HCRTR2: variants seen among roughly 807,000 people sequenced by gnomAD.
The protein encoded by HCRTR2 is orexin receptor type 2.
A neutral mutation model predicts 49.0 loss-of-function variants in HCRTR2; 22 were observed. The observed-to-expected ratio is 0.45, with a 90% CI of 0.32 to 0.64. The LOEUF is 0.64. Ranked by LOEUF, HCRTR2 falls within the 30% of genes least tolerant of loss-of-function variation. The pLI is 0.04. For missense variants in HCRTR2, 491 were observed against 559.4 expected (o/e 0.88, Z 1.23); for synonymous variants, 236 against 205.3 (o/e 1.15, Z -1.28).
intron 2 of HCRTR2, among the ~76,000 whole-genome samples, chr6:55,253,164 G>A (rs1343867723): frequency 6.6e-6 from 1 of 151,488 alleles, no homozygotes; most frequent in Admixed American, 6.6e-5. Flanking sequence ...TACTTGATAA[G>A]AATCTTATCC....
At chr6:55,158,103 T>G (rs1328383551) in intron 1 of HCRTR2, among the ~76,000 whole-genome samples, 1 of 152,100 alleles carries the variant, frequency 6.6e-6, no homozygotes, top group Admixed American at 6.5e-5. Flanking sequence ...CCAACTGAGG[T>G]ACCCAGCTCC....
At chr6:55,112,350 A>G (rs1046750657) in intron 1 of HCRTR2, among the ~76,000 whole-genome samples, 7 of 151,896 alleles carry the variant, frequency 4.6e-5, no homozygotes, top group African/African-American at 1.7e-4. Flanking sequence ...GAGGAAATCA[A>G]AATTTTGCTG....
chr6:55,149,664 C>T (rs534764687), intron 1 of HCRTR2, among the ~76,000 whole-genome samples: 9 of 151,984 alleles, frequency 5.9e-5, no homozygotes, highest in Non-Finnish European at 1.2e-4. Flanking sequence ...GAAACCAACA[C>T]CTTGACCATA....
At chr6:55,156,735 G>T (rs1379740132) in intron 1 of HCRTR2, among the ~76,000 whole-genome samples, 1 of 152,032 alleles carries the variant, frequency 6.6e-6, no homozygotes, top group African/African-American at 2.4e-5. Context: ...GGGATATAAA[G>T]TTGGCTAAAC....
At chr6:55,164,638 A>G (rs867268209) in intron 1 of HCRTR2, among the ~76,000 whole-genome samples, 10 of 152,148 alleles carry the variant, frequency 6.6e-5, no homozygotes, top group South Asian at 2.1e-4. Flanking sequence ...GTGGGGGGCT[A>G]GGGGAGGGAT....
At position 55,162,613 on chromosome 6, in the gene HCRTR2, T is replaced by A. The variant is rs550718214; in HGVS notation, c.-377-11598T>A. ...CCCATTGTCTCAGCCCAAAATCTCCTTAAGCTGATAAGCAACTTCAGCAAA... is the reference window on the plus strand; with the variant it reads ...CCCATTGTCTCAGCCCAAAATCTCCATAAGCTGATAAGCAACTTCAGCAAA... On this transcript the variant is annotated intron_variant, in intron 1 of 7. Coordinates refer to the HCRTR2 transcript ENST00000615358. Among the ~76,000 whole-genome samples the A allele has an allele frequency of 2.6e-5, 4 of 152,332 alleles. No individual in the cohort carries two copies. In the South Asian group the frequency reaches 8.3e-4, roughly 32 times the overall value.
intron 1 of HCRTR2, among the ~76,000 whole-genome samples, chr6:55,164,183 A>T: frequency 6.6e-6 from 1 of 152,220 alleles, no homozygotes; most frequent in Non-Finnish European, 1.5e-5. Flanking sequence ...GTGGGAGTGT[A>T]AATTAGTTCA....
chr6:55,130,704 T>C (rs778043010), intron 1 of HCRTR2, among the ~76,000 whole-genome samples: 13 of 151,872 alleles, frequency 8.6e-5, no homozygotes, highest in Non-Finnish European at 1.8e-4. Flanking sequence ...ATCTCCAATC[T>C]CTTCCTTGAA....
chr6:55,119,356 C>T (rs1764163904), intron 1 of HCRTR2, among the ~76,000 whole-genome samples: 1 of 152,100 alleles, frequency 6.6e-6, no homozygotes, highest in South Asian at 2.1e-4. Flanking sequence ...GGAGATGCCA[C>T]ACTGTCTTCC....
intron 1 of HCRTR2, among the ~76,000 whole-genome samples, chr6:55,192,593 A>G (rs1765338870): frequency 6.6e-6 from 1 of 152,190 alleles, no homozygotes; most frequent in Non-Finnish European, 1.5e-5. Flanking sequence ...ATTATCTTCA[A>G]CACTGTGCAT....
At chr6:55,198,940 C>T (rs1046262714) in intron 1 of HCRTR2, among the ~76,000 whole-genome samples, 3 of 152,160 alleles carry the variant, frequency 2.0e-5, no homozygotes, top group African/African-American at 7.2e-5. Context: ...GCCTGTAACA[C>T]AATAGGATCA....
chr6:55,281,513 C>T (rs557099388), intron 6 of HCRTR2, among the ~76,000 whole-genome samples: 12 of 152,128 alleles, frequency 7.9e-5, no homozygotes, highest in African/African-American at 2.7e-4. Flanking sequence ...GTGCTGGGCC[C>T]GTGAACATTC....
chr6:55,239,587 C>T (rs1359746014), intron 1 of HCRTR2, among the ~76,000 whole-genome samples: 1 of 152,080 alleles, frequency 6.6e-6, no homozygotes, highest in Non-Finnish European at 1.5e-5. Context: ...CTGTACCTAA[C>T]GGTTATCAAC....
chr6:55,122,457 A>G (rs1017983138), intron 1 of HCRTR2, among the ~76,000 whole-genome samples: 1 of 151,826 alleles, frequency 6.6e-6, no homozygotes, highest in Admixed American at 6.6e-5. Context: ...TTGTGTCTCT[A>G]TCTCCTTCAG....
At chr6:55,249,400 C>T (rs1321232669) in intron 2 of HCRTR2, among the ~76,000 whole-genome samples, 2 of 152,008 alleles carry the variant, frequency 1.3e-5, no homozygotes, top group African/African-American at 2.4e-5. Flanking sequence ...TTGGAATCTC[C>T]GTTCTGCCAT....
chr6:55,156,761 C>G lies in HCRTR2; in HGVS notation c.-377-17450C>G, dbSNP rs186486373. ...TTGGCTAAACTTAATGAAAATCAAC[C>G]AGTGCAATAAATAATAGTAATTAAA... On this transcript the variant is annotated intron_variant, in intron 1 of 7. Transcript: ENST00000615358. 1.6e-3 allele frequency among the ~76,000 whole-genome samples: 249 copies of G among 151,984 alleles called. 2 individuals carry two copies. The highest frequency in any genetic ancestry group is 5.7e-3 in the African/African-American group (235 of 41,472).
intron 1 of HCRTR2, among the ~76,000 whole-genome samples, chr6:55,123,019 TGAG>T (rs1764223630): frequency 6.6e-6 from 1 of 150,878 alleles, no homozygotes; most frequent in Admixed American, 6.6e-5. Context: ...CTAAAGTAAA[TGAG>T]GAGTTAATGA....
At chr6:55,270,783 C>CA (rs1399054644) in intron 4 of HCRTR2, among the ~76,000 whole-genome samples, 3 of 151,818 alleles carry the variant, frequency 2.0e-5, no homozygotes, top group Admixed American at 6.6e-5. Flanking sequence ...ATCCAAAATC[C>CA]AAAAAAACTC....
At chr6:55,172,981 T>G (rs1403013093), upstream of HCRTR2, among the ~76,000 whole-genome samples, 1 of 152,180 alleles carries the variant, frequency 6.6e-6, no homozygotes, top group Non-Finnish European at 1.5e-5. Context: ...TTCCTCCCAG[T>G]TACATATTTT....
Sources: gnomAD v4.1 joint callset for allele counts (sites outside exome capture counted in the v4.1 genomes callset) on GRCh38, gnomAD v4.1.1 for gene constraint, MANE v1.5 for transcripts, NCBI Gene and HGNC (gene_info 2026-07-23, HGNC 2026-07-21) for gene names.